Variants in UNC5D observed in about 807,000 individuals in gnomAD.
UNC5D encodes netrin receptor UNC5D.
Under a neutral mutation model 105.4 loss-of-function variants are expected in UNC5D, and 39 were observed. The observed-to-expected ratio is 0.37, with a 90% CI of 0.29 to 0.48. UNC5D has a LOEUF of 0.48. UNC5D is among the 20% of genes least tolerant of loss of function. The pLI is 0.98. For synonymous variants in UNC5D, 452 were observed against 450.4 expected (o/e 1.00, Z -0.04); for missense variants, 991 against 1,202.4 (o/e 0.82, Z 2.60).
At chr8:35,640,723 G>C (rs2131127558) in intron 4 of UNC5D, among the ~76,000 whole-genome samples, 1 of 152,196 alleles carries the variant, frequency 6.6e-6, no homozygotes, top group South Asian at 2.1e-4. Context: ...GTTTTTCACA[G>C]TTGTAATTTT....
intron 9 of UNC5D, among the ~76,000 whole-genome samples, chr8:35,724,676 C>T (rs1254780783): frequency 6.6e-6 from 1 of 152,196 alleles, no homozygotes; most frequent in Non-Finnish European, 1.5e-5. Context: ...GGCAGATCTT[C>T]TAAGCGTAGC....
intron 14 of UNC5D, among the ~76,000 whole-genome samples, chr8:35,765,610 A>G (rs1801730348): frequency 6.6e-6 from 1 of 152,214 alleles, no homozygotes; most frequent in South Asian, 2.1e-4. Context: ...TATCCAAAAT[A>G]AAAATCTGTG....
intron 2 of UNC5D, among the ~76,000 whole-genome samples, chr8:35,556,778 T>A (rs565198125): frequency 3.9e-4 from 60 of 152,366 alleles, no homozygotes; most frequent in African/African-American, 1.4e-3. Context: ...AGTCTGGGTT[T>A]GTTTAGTAAA....
chr8:35,261,861 C>T (rs1438906716), intron 1 of UNC5D, among the ~76,000 whole-genome samples: 1 of 152,140 alleles, frequency 6.6e-6, no homozygotes, highest in African/African-American at 2.4e-5. Flanking sequence ...AATTAAGCTC[C>T]TCAGCTGCTT....
chr8:35,312,813 C>T (rs73581139), intron 1 of UNC5D, among the ~76,000 whole-genome samples: 196 of 152,212 alleles, frequency 1.3e-3, no homozygotes, highest in African/African-American at 4.6e-3. Context: ...GATAGTATTC[C>T]GTAATATAAA....
intron 1 of UNC5D, among the ~76,000 whole-genome samples, chr8:35,439,444 T>C (rs1807251406): frequency 6.6e-6 from 1 of 152,076 alleles, no homozygotes; most frequent in South Asian, 2.1e-4. Flanking sequence ...GCATAAACAT[T>C]TCGTGCCATT....
chr8:35,421,264 G>C (rs1174837279), intron 1 of UNC5D, among the ~76,000 whole-genome samples: 1 of 152,310 alleles, frequency 6.6e-6, no homozygotes, highest in African/African-American at 2.4e-5. Flanking sequence ...AATGGCATGG[G>C]CTGAGGTACA....
chr8:35,450,677 C>T (rs1020213859), intron 1 of UNC5D, among the ~76,000 whole-genome samples: 15 of 152,150 alleles, frequency 9.9e-5, no homozygotes, highest in African/African-American at 3.6e-4. Flanking sequence ...TAAAAAACTA[C>T]AGATTGTCTC....
At chr8:35,256,589 A>G (rs1473145959) in intron 1 of UNC5D, 3 of 151,682 alleles carry the variant, frequency 2.0e-5, no homozygotes, top group African/African-American at 7.3e-5. Context: ...TAAAATGAAC[A>G]TTATTATGTG....
intron 1 of UNC5D, among the ~76,000 whole-genome samples, chr8:35,485,200 A>G (rs1810749227): frequency 6.6e-6 from 1 of 152,182 alleles, no homozygotes; most frequent in African/African-American, 2.4e-5. Context: ...GCATAATTAA[A>G]GACCATGCCA....
At chr8:35,772,172 G>A (rs1192054772) in intron 15 of UNC5D, among the ~76,000 whole-genome samples, 3 of 152,130 alleles carry the variant, frequency 2.0e-5, no homozygotes, top group Admixed American at 6.6e-5. Context: ...TAAGAAGAGC[G>A]TATGATATGC....
At chr8:35,597,871 CTA>C (rs1586212497) in intron 4 of UNC5D, among the ~76,000 whole-genome samples, 1 of 152,162 alleles carries the variant, frequency 6.6e-6, no homozygotes, top group Admixed American at 6.6e-5. Context: ...AGGTAAATGT[CTA>C]TGTTCTTATA....
chr8:35,567,989 T>C (rs1817470275), intron 2 of UNC5D, 109 bp from the exon 3 acceptor site: 1 of 1,490,450 alleles, frequency 6.7e-7, no homozygotes, highest in Non-Finnish European at 9.0e-7. Flanking sequence ...TTGCCTTGAT[T>C]AAAAACAGGA....
chr8:35,506,288 C>T (rs1311214387), intron 1 of UNC5D, among the ~76,000 whole-genome samples: 1 of 152,174 alleles, frequency 6.6e-6, no homozygotes, highest in Admixed American at 6.5e-5. Flanking sequence ...GAAAAATAAA[C>T]ACTTTTCTTC....
chr8:35,667,751 C>G (rs1213076533), intron 4 of UNC5D, among the ~76,000 whole-genome samples: 1 of 152,090 alleles, frequency 6.6e-6, no homozygotes, highest in Non-Finnish European at 1.5e-5. Context: ...TCAAGAATGT[C>G]CCGTGGAGAT....
Position 35,310,076 on chromosome 8 carries a change from T to C in UNC5D, c.103+74189T>C, listed in dbSNP as rs1356568659. Among the ~76,000 whole-genome samples, 5 of 152,334 alleles carry C rather than the reference T, an allele frequency of 3.3e-5. No homozygotes were observed. The East Asian group carries it at 9.6e-4, about 29-fold the overall frequency. ...CTCTATTCTGATAATTTTATTTTTATATTTAGACACATTATTCAAATACCC... is the reference window on the plus strand; with the variant it reads ...CTCTATTCTGATAATTTTATTTTTACATTTAGACACATTATTCAAATACCC... On this transcript the variant is annotated intron_variant, in intron 1 of 16. Transcript: ENST00000404895.
At chr8:35,604,343 C>A (rs1820117898) in intron 4 of UNC5D, among the ~76,000 whole-genome samples, 2 of 152,166 alleles carry the variant, frequency 1.3e-5, no homozygotes, top group Admixed American at 1.3e-4. Flanking sequence ...GTTGAAAATT[C>A]TTTTCTTTAA....
chr8:35,638,631 A>T (rs1021347735), intron 4 of UNC5D, among the ~76,000 whole-genome samples: 3 of 150,348 alleles, frequency 2.0e-5, no homozygotes, highest in African/African-American at 7.3e-5. Context: ...TCATCTCTAT[A>T]AAAAAAAATA....
At chr8:35,585,099 C>T (rs1255034579) in intron 3 of UNC5D, among the ~76,000 whole-genome samples, 1 of 152,138 alleles carries the variant, frequency 6.6e-6, no homozygotes, top group Non-Finnish European at 1.5e-5. Context: ...ATATCTATCA[C>T]CTTGGCAACC....
Sources: allele counts gnomAD v4.1 joint callset (sites outside exome capture counted in the v4.1 genomes callset), GRCh38; gene constraint gnomAD v4.1.1; transcripts MANE v1.5; gene names NCBI Gene and HGNC (gene_info 2026-07-23, HGNC 2026-07-21).